POLR2F: variants seen among roughly 807,000 people sequenced by gnomAD.
POLR2F encodes the protein RNA polymerase II, I and III subunit F, also known as DNA-directed RNA polymerases I, II, and III subunit RPABC2.
A neutral mutation model predicts 22.7 loss-of-function variants in POLR2F; 12 were observed. The ratio of observed to expected loss-of-function variants is 0.53; its 90% CI spans 0.34 to 0.86. POLR2F has a LOEUF of 0.86. Ranked by LOEUF, POLR2F falls within the 40% of genes least tolerant of loss-of-function variation. The probability of loss-of-function intolerance (pLI) is 0.02; values close to 1 mark genes in which losing one functional copy is unlikely to be tolerated. For missense variants in POLR2F, 126 were observed against 171.5 expected (o/e 0.73, Z 1.48); for synonymous variants, 57 against 66.0 (o/e 0.86, Z 0.66).
Position 37,967,651 on chromosome 22 carries a change from G to A in POLR2F, c.320G>A (p.Arg107His), listed in dbSNP as rs749904853. 5.6e-6 allele frequency: 9 copies of A among 1,613,834 alleles called. No individual in the cohort carries two copies. The highest frequency in any genetic ancestry group is 7.6e-6 in the Non-Finnish European group (9 of 1,179,940). ...LKARKIPIII[R>H]RYLPDGSYED... ...GCCCGAAAGATCCCCATCATCATTC[G>A]CCGTTACCTGCCAGATGGGAGCTAT... The change falls in exon 5 of 5, where the codon CGC (arginine) becomes CAC (histidine). Residue 107 changes from arginine to histidine, a missense_variant. Physicochemically the swap from Arg to His is conservative, Grantham distance 29. Transcript: ENST00000442738.
At chr22:37,961,850 C>G (rs1931655410) in intron 3 of POLR2F, among the ~76,000 whole-genome samples, 1 of 148,774 alleles carries the variant, frequency 6.7e-6, no homozygotes, top group Non-Finnish European at 1.5e-5. Flanking sequence ...GAGCCCCTAC[C>G]CCAAACTCCC....
Position 37,999,227 on chromosome 22 carries a change from GA to G in POLR2F, c.120+12916del, listed in dbSNP as rs1373382211. On this transcript the variant is annotated intron_variant, in intron 1 of 2. Transcript: ENST00000333418. ...CTGTGGAGTGCCAGCCTGGGGTCCTGAGTTGTACCCTCTGTCCCAGGATCCA... is the reference window on the plus strand; with the variant it reads ...CTGTGGAGTGCCAGCCTGGGGTCCTGGTTGTACCCTCTGTCCCAGGATCCA... Among the ~76,000 whole-genome samples, 3 of 152,270 alleles carry G rather than the reference GA, an allele frequency of 2.0e-5. No individual in the cohort carries two copies. The East Asian group carries it at 5.8e-4, about 29-fold the overall frequency.
rs529064890 is a variant in POLR2F, at chr22:38,031,791, C to T, written c.453-9277C>T. Among the ~76,000 whole-genome samples, 2 of 152,254 alleles carry T rather than the reference C, an allele frequency of 1.3e-5. No homozygotes were observed. The highest frequency in any genetic ancestry group is 2.1e-4 in the South Asian group (1 of 4,818). On this transcript the variant is annotated intron_variant, in intron 5 of 5. Coordinates refer to the POLR2F transcript ENST00000407936. This position sits in a 1 kb window ranked among gnomAD's most constrained non-coding sequence, Gnocchi z 4.1. The stretch of plus-strand genomic sequence containing the variant: ...CCTCCCCGCTTCCCTGCCCCATCAA[C>T]GGCCCCACTGTTCTCCAGTGACCCA...
Position 37,968,136 on chromosome 22 carries a change from A to G in POLR2F, c.*421A>G. 2 of 987,326 alleles carry G rather than the reference A, an allele frequency of 2.0e-6. No individual in the cohort carries two copies. Among genetic ancestry groups the G allele is most frequent in the Non-Finnish European group, 1.2e-6 (1 of 831,214 alleles). The allele number at this position is 987,326 out of a possible 1,614,324, so 61.2% of individuals were successfully genotyped here. On this transcript the variant is annotated 3_prime_UTR_variant, in exon 5 of 5. Transcript: ENST00000442738. Reference sequence around the variant, plus strand: ...TCCCTTCTCAGGAGTATCACAGAGCAGGTCTCATCAAGCCACCCATTGTTT... The same window carrying G: ...TCCCTTCTCAGGAGTATCACAGAGCGGGTCTCATCAAGCCACCCATTGTTT...
intron 1 of POLR2F, among the ~76,000 whole-genome samples, chr22:37,996,761 G>C (rs968110222): frequency 1.2e-3 from 180 of 152,340 alleles, no homozygotes; most frequent in African/African-American, 4.2e-3. Flanking sequence ...CTCCTCATCT[G>C]CCAATGTGGT....
At chr22:38,002,556 A>G (rs897422236) in intron 1 of POLR2F, among the ~76,000 whole-genome samples, 1 of 149,910 alleles carries the variant, frequency 6.7e-6, no homozygotes, top group Non-Finnish European at 1.5e-5. Flanking sequence ...TATTTCTAGT[A>G]GAGACTGGGT....
chr22:37,963,275 G>A (rs189926075), intron 3 of POLR2F, among the ~76,000 whole-genome samples: 86 of 152,072 alleles, frequency 5.7e-4, no homozygotes, highest in Admixed American at 5.2e-4. Flanking sequence ...ACAGGCATGA[G>A]CCACCACGCC....
chr22:38,025,604 G>A (rs748972563), intron 1 of POLR2F: 10 of 1,539,662 alleles, frequency 6.5e-6, no homozygotes, highest in African/African-American at 1.4e-5. Context: ...GGAATACACA[G>A]TGCTGAGACC....
At chr22:38,039,351 C>T (rs912706836) in intron 5 of POLR2F, among the ~76,000 whole-genome samples, 4 of 152,162 alleles carry the variant, frequency 2.6e-5, no homozygotes, top group African/African-American at 9.7e-5. Context: ...CAATTTCTGT[C>T]CACTGTCCCT....
At chr22:38,041,015 C>A in intron 5 of POLR2F, 1 of 1,612,238 alleles carries the variant, frequency 6.2e-7, no homozygotes, top group Non-Finnish European at 8.5e-7. Flanking sequence ...TCATGTCATC[C>A]TCAACACAGT....
rs547146577 is a variant in POLR2F, at chr22:38,020,907, T to C, written c.121-4962T>C. Among the ~76,000 whole-genome samples the C allele has an allele frequency of 2.9e-4, 44 of 152,166 alleles. 1 individual carries two copies. The highest frequency in any genetic ancestry group is 5.8e-4 in the East Asian group (3 of 5,180). Reference sequence around the variant, plus strand: ...CACTTACTTGCAATCAGGGTCATGATTGGGTATTAGGGCTAGGAGGGATCT... The same window carrying C: ...CACTTACTTGCAATCAGGGTCATGACTGGGTATTAGGGCTAGGAGGGATCT... On this transcript the variant is annotated intron_variant, in intron 1 of 2. Coordinates refer to the POLR2F transcript ENST00000333418.
chr22:37,992,660 A>G (rs1328184982), intron 1 of POLR2F, among the ~76,000 whole-genome samples: 3 of 152,128 alleles, frequency 2.0e-5, no homozygotes, highest in African/African-American at 7.2e-5. Flanking sequence ...CGGCCTCCCA[A>G]AGTGCTGGGA....
At chr22:37,956,471 C>G (rs1194357421) in intron 1 of POLR2F, among the ~76,000 whole-genome samples, 1 of 150,950 alleles carries the variant, frequency 6.6e-6, no homozygotes, top group African/African-American at 2.4e-5. Context: ...TGCTGGAGTA[C>G]AGTGGTGCAA....
chr22:37,962,092 G>C (rs930893314), intron 3 of POLR2F, among the ~76,000 whole-genome samples: 1 of 152,122 alleles, frequency 6.6e-6, no homozygotes, highest in African/African-American at 2.4e-5. Flanking sequence ...TTAGCTGAGT[G>C]TGGTGGCGTG....
exon 3 of POLR2F, chr22:38,026,339 G>C (rs933077699): frequency 3.8e-6 from 2 of 527,820 alleles, no homozygotes; most frequent in African/African-American, 3.9e-5. Flanking sequence ...AGCAGACCCA[G>C]GACCCAGCCC....
In POLR2F at chr22:37,974,810, T is replaced by G. The variant is rs1932176187; in HGVS notation, c.293+7640T>G. Among the ~76,000 whole-genome samples the G allele has an allele frequency of 6.6e-6, 1 of 152,250 alleles. No homozygotes were observed. Among genetic ancestry groups the G allele is most frequent in the Non-Finnish European group, 1.5e-5 (1 of 68,040 alleles). On this transcript the variant is annotated intron_variant, in intron 4 of 4. Coordinates refer to the POLR2F transcript ENST00000405557. This position sits in a 1 kb window ranked among gnomAD's most constrained non-coding sequence, Gnocchi z 5.4. The stretch of plus-strand genomic sequence containing the variant: ...CAGCTTCTCTGCTGTCCAGGTGGTC[T>G]GGCCCAGCCTTTGCGCTCTGCCAGC...
chr22:38,040,311 T>TGAGAAAAGGGTAGGAAAGCA (rs1462742304), intron 5 of POLR2F: 1 of 109,016 alleles, frequency 9.2e-6, no homozygotes, highest in Non-Finnish European at 1.9e-5. Context: ...AAAAAGAAAT[T>TGAGAAAAGGGTAGGAAAGCA]GAGAAAAGGG....
intron 1 of POLR2F, among the ~76,000 whole-genome samples, chr22:38,002,132 G>A (rs911032604): frequency 1.3e-5 from 2 of 151,342 alleles, no homozygotes; most frequent in African/African-American, 4.9e-5. Context: ...TTACATGCGC[G>A]AGCCAGCACA....
At chr22:38,031,609 G>T (rs368652461), downstream of POLR2F, among the ~76,000 whole-genome samples, 1 of 152,114 alleles carries the variant, frequency 6.6e-6, no homozygotes, top group Non-Finnish European at 1.5e-5. The surrounding 1 kb of genome is among the most constrained non-coding windows in gnomAD (Gnocchi z 4.1). Flanking sequence ...TGTCCCAGGC[G>T]CCTGATGTCA....
Sources: gnomAD v4.1 joint callset for allele counts (sites outside exome capture counted in the v4.1 genomes callset) on GRCh38, gnomAD v4.1.1 for gene constraint, Gnocchi (gnomAD v3.1) non-coding constraint, MANE v1.5 for transcripts, NCBI Gene and HGNC (gene_info 2026-07-23, HGNC 2026-07-21) for gene names.